SERAC1: variants seen among roughly 807,000 people sequenced by gnomAD.
SERAC1 encodes the protein serine active site containing 1.
In SERAC1, 36 loss-of-function variants were observed where a neutral mutation model predicts 85.7. That is an observed-to-expected ratio of 0.42 (90% CI 0.32 to 0.55). SERAC1 has a LOEUF of 0.55. SERAC1 is among the 20% of genes least tolerant of loss of function. The pLI, the probability that SERAC1 is intolerant of heterozygous loss-of-function variation, is 0.11. For synonymous variants in SERAC1, 242 were observed against 265.3 expected, an observed-to-expected ratio of 0.91 and a Z score of 0.85; for missense variants, 629 against 796.2, an observed-to-expected ratio of 0.79 and a Z score of 2.53.
At chr6:158,167,137 C>G (rs1309476113) in intron 1 of SERAC1, among the ~76,000 whole-genome samples, 2 of 149,114 alleles carry the variant, frequency 1.3e-5, no homozygotes, top group African/African-American at 5.0e-5. Flanking sequence ...ATGGAAATCA[C>G]CAGTTGGAAA....
intron 10 of SERAC1, among the ~76,000 whole-genome samples, chr6:158,123,607 T>G (rs1784469845): frequency 6.6e-6 from 1 of 152,130 alleles, no homozygotes; most frequent in African/African-American, 2.4e-5. Context: ...TGAAGGTTCT[T>G]TAATTTGTGA....
chr6:158,147,535 C>G (rs966697228), intron 5 of SERAC1, among the ~76,000 whole-genome samples: 1 of 150,194 alleles, frequency 6.7e-6, no homozygotes, highest in Non-Finnish European at 1.5e-5. Flanking sequence ...CCGAGGCAGG[C>G]GGATCACGAG....
At chr6:158,125,267 T>C (rs1784513295) in intron 10 of SERAC1, among the ~76,000 whole-genome samples, 1 of 152,194 alleles carries the variant, frequency 6.6e-6, no homozygotes, top group Non-Finnish European at 1.5e-5. Context: ...TATCACTACA[T>C]ATTTACATCC....
chr6:158,114,421 CTA>C lies in SERAC1; in HGVS notation c.1684+366_1684+367del, dbSNP rs1491220311. 47 of 935,830 alleles carry C rather than the reference CTA, an allele frequency of 5.0e-5. No homozygotes were observed. In the African/African-American group the frequency reaches 7.5e-4, roughly 15 times the overall value. 58.0% of individuals were successfully genotyped at this position (935,830 alleles called of 1,614,324 possible). On this transcript the variant is annotated intron_variant, in intron 15 of 16. Transcript: ENST00000647468. ...AAACCAGAGTACTTTAAAATTAATA[CTA>C]ACAATCTCAAAGTTTCATTTACATT...
chr6:158,130,060 A>C (rs1784640140), intron 9 of SERAC1, among the ~76,000 whole-genome samples: 1 of 152,246 alleles, frequency 6.6e-6, no homozygotes, highest in Non-Finnish European at 1.5e-5. Flanking sequence ...TGAAAATAAT[A>C]TGTAAAAATA....
At chr6:158,147,061 G>C in intron 5 of SERAC1, 148 bp from the exon 6 acceptor site, 1 of 791,796 alleles carries the variant, frequency 1.3e-6, no homozygotes. Flanking sequence ...AATATTATTT[G>C]TTCTCAATTC....
rs967407396 is a variant in SERAC1 at position 158,115,051 on chromosome 6, C to T, written c.1502-80G>A. On this transcript the variant is annotated intron_variant, in intron 14 of 16. Transcript: ENST00000647468. ...TACTGTAAAAAAAGAAAAGGCCAAA[C>T]AAGAAATACATAAAAAGAGATGCTT... The T allele has an allele frequency of 5.8e-6, 8 of 1,377,790 alleles. No homozygotes were observed. The East Asian group carries it at 1.4e-4, about 24-fold the overall frequency. The allele number at this position is 1,377,790 out of a possible 1,614,324, so 85.3% of individuals were successfully genotyped here. A position where few individuals can be genotyped will look rare whatever the true frequency, so the allele number is the denominator to read the frequency against.
Position 158,146,921 on chromosome 6 carries a change from A to G in SERAC1, c.356-8T>C. 1 of 1,612,346 alleles carries G rather than the reference A, an allele frequency of 6.2e-7. No homozygotes were observed. The highest frequency in any genetic ancestry group is 8.5e-7 in the Non-Finnish European group (1 of 1,179,104). On this transcript the variant is annotated splice_region_variant and splice_polypyrimidine_tract_variant and intron_variant, in intron 5 of 16. Transcript: ENST00000647468. ...CAACTGTACTAAAAGGATCTTTGCAAAAAGAAAAAGCCAAGACAATGTGAA... is the reference window on the plus strand; with the variant it reads ...CAACTGTACTAAAAGGATCTTTGCAGAAAGAAAAAGCCAAGACAATGTGAA...
In SERAC1 at chr6:158,141,337, G is replaced by A. The variant is rs1364289549; in HGVS notation, c.738+1719C>T. Among the ~76,000 whole-genome samples, 3 of 152,176 alleles carry A rather than the reference G, an allele frequency of 2.0e-5. No homozygotes were observed. In the East Asian group the frequency reaches 5.8e-4, roughly 29 times the overall value. On this transcript the variant is annotated intron_variant, in intron 8 of 16. Coordinates refer to ENST00000647468, the MANE Select transcript of SERAC1 (RefSeq NM_032861.4). ...TTACAGGGTTTCTTTGGGGGATGGT[G>A]AAAATATTCTGGAATTAGATTGGAG... is the stretch of plus-strand genomic sequence containing the variant.
rs1784584329 is a variant in SERAC1 at position 158,128,000 on chromosome 6, AT to A, written c.1015+107del. ...ACACCCAAGAATTATCAATAAAAAAATAAATTTAAAAAAAAAAAAAAAAAAA... is the reference window on the plus strand; with the variant it reads ...ACACCCAAGAATTATCAATAAAAAAAAAATTTAAAAAAAAAAAAAAAAAAA... On this transcript the variant is annotated intron_variant, in intron 10 of 16. Coordinates refer to ENST00000647468, the MANE Select transcript of SERAC1 (RefSeq NM_032861.4). 2 of 473,012 alleles carry A rather than the reference AT, an allele frequency of 4.2e-6. 1 individual carries two copies. The highest frequency in any genetic ancestry group is 7.4e-6 in the Non-Finnish European group (2 of 270,056). The allele number at this position is 473,012 out of a possible 1,614,324, so 29.3% of individuals were successfully genotyped here. A position where few individuals can be genotyped will look rare whatever the true frequency, so the allele number is the denominator to read the frequency against.
chr6:158,114,827 A>AGAT lies in SERAC1; in HGVS notation c.1643_1645dup (p.Tyr548_Leu549insHis). 1 of 1,606,314 alleles carries AGAT rather than the reference A, an allele frequency of 6.2e-7. No individual in the cohort carries two copies. Among genetic ancestry groups the AGAT allele is most frequent in the Non-Finnish European group, 8.5e-7 (1 of 1,177,098 alleles). On this transcript the variant is annotated inframe_insertion, in exon 15 of 17. Coordinates refer to ENST00000647468, the MANE Select transcript of SERAC1 (RefSeq NM_032861.4). Reference sequence around the variant, plus strand: ...TTTGACTTCCAACGAGGGGAAGAGAAGATAGCGAATATTAACAGAGTATTC... The same window carrying AGAT: ...TTTGACTTCCAACGAGGGGAAGAGAAGATGATAGCGAATATTAACAGAGTATTC...
At chr6:158,130,705 C>T (rs1478823158) in intron 8 of SERAC1, among the ~76,000 whole-genome samples, 3 of 152,180 alleles carry the variant, frequency 2.0e-5, no homozygotes, top group Non-Finnish European at 4.4e-5. Context: ...CCTGTGTCCT[C>T]GTCAAGTCTC....
At chr6:158,137,368 T>TTTTG (rs138823876) in intron 8 of SERAC1, among the ~76,000 whole-genome samples, 52 of 151,258 alleles carry the variant, frequency 3.4e-4, no homozygotes, top group African/African-American at 1.1e-3. Flanking sequence ...ATTCGTTGTT[T>TTTTG]TTTGTTTGTT....
intron 8 of SERAC1, among the ~76,000 whole-genome samples, chr6:158,138,435 C>CAAAAAA (rs60850749): frequency 1.4e-5 from 1 of 72,838 alleles, no homozygotes; most frequent in Non-Finnish European, 2.5e-5. Flanking sequence ...GACTCTGTCT[C>CAAAAAA]AAAAAAAAAA....
Position 158,128,129 on chromosome 6 carries a change from GA to G in SERAC1, c.993del (p.His332IlefsTer4). 6.2e-7 allele frequency: 1 copy of G among 1,613,282 alleles called. No homozygotes were observed. The highest frequency in any genetic ancestry group is 8.5e-7 in the Non-Finnish European group (1 of 1,179,538). ...TTACCTGAGCGAACTATAGAAGAAT[GA>G]AGATGTTCATTCAAAGCCATATTTC... is the stretch of plus-strand genomic sequence containing the variant. ...VIGNMALNEHLHSSIVRSGWV... is the reference protein window; with the variant it reads ...VIGNMALNEHXHSSIVRSGWV... On this transcript the variant is annotated frameshift_variant, in exon 10 of 17. Transcript: ENST00000647468. LOFTEE classifies it high-confidence loss of function.
At position 158,117,625 on chromosome 6, in the gene SERAC1, G is replaced by A; in HGVS notation, c.1403+102C>T. On this transcript the variant is annotated intron_variant, in intron 13 of 16. Coordinates refer to ENST00000647468, the MANE Select transcript of SERAC1 (RefSeq NM_032861.4). The surrounding 1 kb of genome is among the most constrained non-coding windows in gnomAD (Gnocchi z 4.3). Reference sequence around the variant, plus strand: ...GGTTTGTTCTTCATAAGAAAATCCTGTCTGTGGCATCAAAAAATTAAAATC... The same window carrying A: ...GGTTTGTTCTTCATAAGAAAATCCTATCTGTGGCATCAAAAAATTAAAATC... 1 of 1,584,228 alleles carries A rather than the reference G, an allele frequency of 6.3e-7. No individual in the cohort carries two copies. The highest frequency in any genetic ancestry group is 8.6e-7 in the Non-Finnish European group (1 of 1,163,076).
In SERAC1 at chr6:158,128,236, C is replaced by G; in HGVS notation, c.887G>C (p.Gly296Ala). ...CAGCCTCTGAAGTAGCTGCAGGCCT[C>G]CATTTGCTTCGATTTTATCACAATG... is the stretch of plus-strand genomic sequence containing the variant. ...STHCDKIEAN[G>A]GLQLLQRLYR... is the part of the protein sequence containing the mutation. Residue 296 changes from glycine (G) to alanine (A), a missense_variant, in exon 10 of 17, where the codon GGA becomes GCA. Physicochemically the swap from Gly to Ala is moderately conservative, Grantham distance 60. Coordinates refer to ENST00000647468, the MANE Select transcript of SERAC1 (RefSeq NM_032861.4). The G allele has an allele frequency of 6.2e-7, 1 of 1,614,060 alleles. No individual in the cohort carries two copies. The highest frequency in any genetic ancestry group is 8.5e-7 in the Non-Finnish European group (1 of 1,179,992).
chr6:158,165,968 T>G (rs545882385), intron 1 of SERAC1: 1 of 152,222 alleles, frequency 6.6e-6, no homozygotes, highest in African/African-American at 2.4e-5. Context: ...TAGATAGTAG[T>G]GCTGGTTGCA....
At chr6:158,167,128 T>C (rs922964685) in intron 1 of SERAC1, among the ~76,000 whole-genome samples, 2 of 145,918 alleles carry the variant, frequency 1.4e-5, no homozygotes, top group East Asian at 2.0e-4. Context: ...TGCAACAATA[T>C]GGAAATCACC....
Sources: gnomAD v4.1 joint callset for allele counts (sites outside exome capture counted in the v4.1 genomes callset) on GRCh38, gnomAD v4.1.1 for gene constraint, Gnocchi (gnomAD v3.1) non-coding constraint, MANE v1.5 for transcripts, NCBI Gene and HGNC (gene_info 2026-07-23, HGNC 2026-07-21) for gene names.